Variants in EPRS1 observed in about 807,000 individuals in gnomAD.
The protein encoded by EPRS1 is bifunctional glutamate/proline--tRNA ligase.
In EPRS1, 107 loss-of-function variants were observed where a neutral mutation model predicts 188.3. The ratio of observed to expected loss-of-function variants is 0.57; its 90% CI spans 0.49 to 0.67. EPRS1 has a LOEUF of 0.67. Among genes scored for constraint, EPRS1 ranks in the 30% least tolerant of loss-of-function variants. EPRS1 has a pLI of 0.00. For missense variants in EPRS1, 1,577 were observed against 1,802.2 expected (o/e 0.88, Z 2.26); for synonymous variants, 596 against 593.1 (o/e 1.00, Z -0.07).
chr1:220,028,477 A>G (rs1160877959), intron 6 of EPRS1, among the ~76,000 whole-genome samples: 1 of 152,130 alleles, frequency 6.6e-6, no homozygotes, highest in Non-Finnish European at 1.5e-5. Context: ...GCACACACAC[A>G]CACACACAAA....
intron 6 of EPRS1, among the ~76,000 whole-genome samples, chr1:220,027,714 G>A (rs191300397): frequency 8.8e-4 from 134 of 152,046 alleles, no homozygotes; most frequent in Middle Eastern, 6.8e-3. Context: ...CGGGTGCAGT[G>A]GCTCATGCCT....
At chr1:219,991,067 T>G (rs1200259249) in intron 18 of EPRS1, among the ~76,000 whole-genome samples, 3 of 152,138 alleles carry the variant, frequency 2.0e-5, no homozygotes, top group Admixed American at 2.0e-4. Context: ...GTAAAAGTGA[T>G]GCTAATGTTA....
intron 6 of EPRS1, among the ~76,000 whole-genome samples, chr1:220,026,304 G>T (rs1467751037): frequency 6.6e-6 from 1 of 152,100 alleles, no homozygotes; most frequent in Non-Finnish European, 1.5e-5. Flanking sequence ...GCTGACAATT[G>T]TAAGGAAGAA....
At chr1:219,977,237 T>A (rs1482180490) in intron 28 of EPRS1, among the ~76,000 whole-genome samples, 1 of 152,172 alleles carries the variant, frequency 6.6e-6, no homozygotes, top group Non-Finnish European at 1.5e-5. Context: ...TCTTTCTCAA[T>A]GTTCTTTAAC....
intron 20 of EPRS1, among the ~76,000 whole-genome samples, chr1:219,985,642 C>T (rs753640423): frequency 9.9e-5 from 15 of 151,972 alleles, no homozygotes; most frequent in Admixed American, 4.6e-4. Context: ...TGACCTCAAG[C>T]GATCCACCCA....
intron 26 of EPRS1, 25 bp downstream of exon 26, chr1:219,980,060 C>G (rs747413517): frequency 1.2e-6 from 2 of 1,607,390 alleles, no homozygotes. Flanking sequence ...CAGTGACCTA[C>G]GAATCCTGTG....
intron 30 of EPRS1, among the ~76,000 whole-genome samples, chr1:219,970,990 TAA>T (rs960100807): frequency 3.3e-5 from 5 of 152,046 alleles, no homozygotes; most frequent in African/African-American, 1.2e-4. Flanking sequence ...GCTCAAGAAA[TAA>T]GAGACATATT....
chr1:219,970,880 AC>A, intron 30 of EPRS1, among the ~76,000 whole-genome samples: 2 of 152,094 alleles, frequency 1.3e-5, no homozygotes, highest in East Asian at 3.9e-4. Flanking sequence ...AGAAGGCTAA[AC>A]ACTGAAGAAT....
At chr1:220,042,554 AG>A (rs1461174793) in intron 1 of EPRS1, among the ~76,000 whole-genome samples, 2 of 152,080 alleles carry the variant, frequency 1.3e-5, no homozygotes, top group Non-Finnish European at 2.9e-5. Context: ...CTGGCAAATC[AG>A]GGTAATGACA....
intron 28 of EPRS1, among the ~76,000 whole-genome samples, chr1:219,974,880 C>T (rs1379554077): frequency 1.3e-5 from 2 of 152,076 alleles, no homozygotes; most frequent in Non-Finnish European, 2.9e-5. Flanking sequence ...ATAAGGCACA[C>T]ATATAAACAA....
Position 220,009,079 on chromosome 1 carries a change from A to C in EPRS1, c.1606-1741T>G, listed in dbSNP as rs558884879. ...TTTTAAAATATTCAATATGCTTCAG[A>C]TTTATACTAACTGTATGGTAGGTGA... On this transcript the variant is annotated intron_variant, in intron 13 of 31. Coordinates refer to ENST00000366923, the MANE Select transcript of EPRS1 (RefSeq NM_004446.3). Among the ~76,000 whole-genome samples, 61 of 152,358 alleles carry C rather than the reference A, an allele frequency of 4.0e-4. 2 individuals are homozygous for C. The South Asian group carries it at 0.013, about 32-fold the overall frequency.
chr1:219,981,025 A>G (rs1371202645), intron 24 of EPRS1, among the ~76,000 whole-genome samples, 168 bp from the exon 25 acceptor site: 2 of 151,940 alleles, frequency 1.3e-5, no homozygotes, highest in African/African-American at 4.8e-5. Flanking sequence ...TTAGCCTCCC[A>G]AGTAGCTGGG....
intron 18 of EPRS1, among the ~76,000 whole-genome samples, chr1:219,991,016 A>G (rs1661111031): frequency 6.6e-6 from 1 of 152,184 alleles, no homozygotes; most frequent in Non-Finnish European, 1.5e-5. Context: ...CAACCTATAC[A>G]AAAGACTTTG....
intron 3 of EPRS1, 135 bp downstream of exon 3, chr1:220,034,779 C>T (rs1266381931): frequency 1.5e-6 from 1 of 648,642 alleles, no homozygotes; most frequent in Non-Finnish European, 2.8e-6. Flanking sequence ...GCATTCTGTA[C>T]CTTGGTCTAT....
chr1:219,987,464 GCACA>G, intron 19 of EPRS1, 60 bp from the exon 20 acceptor site: 9 of 1,371,980 alleles, frequency 6.6e-6, no homozygotes, highest in Non-Finnish European at 9.0e-6. Flanking sequence ...CATTGTCTAA[GCACA>G]CTTAAACAAA....
Position 219,997,206 on chromosome 1 carries a change from G to T in EPRS1, c.2318C>A (p.Pro773Gln). Residue 773 changes from proline to glutamine, a missense_variant, in exon 18 of 32, where the codon CCA becomes CAA. Coordinates refer to ENST00000366923, the MANE Select transcript of EPRS1 (RefSeq NM_004446.3). ...VVRELKAKKAPKEDVDAAVKQ... is the reference protein window; with the variant it reads ...VVRELKAKKAQKEDVDAAVKQ... ...TACAGCTGCATCTACATCTTCCTTTGGTGCTTTCTTGGCTTTTAATTCACG... is the reference window on the plus strand; with the variant it reads ...TACAGCTGCATCTACATCTTCCTTTTGTGCTTTCTTGGCTTTTAATTCACG... The T allele has an allele frequency of 6.2e-7, 1 of 1,613,984 alleles. No individual in the cohort carries two copies. Among genetic ancestry groups the T allele is most frequent in the Non-Finnish European group, 8.5e-7 (1 of 1,179,966 alleles).
intron 2 of EPRS1, among the ~76,000 whole-genome samples, chr1:220,037,243 G>A (rs760805800): frequency 7.1e-4 from 108 of 152,174 alleles, no homozygotes; most frequent in Non-Finnish European, 1.1e-3. Context: ...GGTGGCTCAC[G>A]CCTGTGATCC....
intron 2 of EPRS1, among the ~76,000 whole-genome samples, chr1:220,038,376 C>T (rs1662227966): frequency 6.9e-6 from 1 of 144,920 alleles, no homozygotes; most frequent in Non-Finnish European, 1.5e-5. Context: ...GCCACCACAC[C>T]CAGCTCAGTT....
Position 219,993,010 on chromosome 1 carries a change from G to A in EPRS1, c.2541+3973C>T, listed in dbSNP as rs1446671051. Among the ~76,000 whole-genome samples the A allele has an allele frequency of 5.3e-5, 8 of 152,056 alleles. No homozygotes were observed. In the East Asian group the frequency reaches 9.6e-4, roughly 18 times the overall value. The stretch of plus-strand genomic sequence containing the variant: ...AACACTTTGAGAGGTCAAGGAGGGC[G>A]GACAGCTTGAGTATAGAAGTTCAAG... On this transcript the variant is annotated intron_variant, in intron 18 of 31. Transcript: ENST00000366923.
Sources: gnomAD v4.1 joint callset for allele counts (sites outside exome capture counted in the v4.1 genomes callset) on GRCh38, gnomAD v4.1.1 for gene constraint, MANE v1.5 for transcripts, NCBI Gene and HGNC (gene_info 2026-07-23, HGNC 2026-07-21) for gene names.